The following EPHA8 variants were observed in gnomAD, a reference collection of about 807,000 sequenced individuals.
EPHA8 encodes the protein EPH receptor A8.
A neutral mutation model predicts 103.6 loss-of-function variants in EPHA8; 58 were observed. The observed-to-expected ratio is 0.56, with a 90% confidence interval of 0.45 to 0.70. EPHA8 has a LOEUF of 0.70. EPHA8 is among the 30% of genes least tolerant of loss of function. The probability of loss-of-function intolerance (pLI) is 0.00; values close to 1 mark genes in which losing one functional copy is unlikely to be tolerated. For missense variants in EPHA8, 1,304 were observed against 1,395.2 expected (o/e 0.93, Z 1.04); for synonymous variants, 559 against 572.5 (o/e 0.98, Z 0.34).
chr1:22,592,644 C>A (rs1158237174), intron 5 of EPHA8, among the ~76,000 whole-genome samples: 1 of 152,168 alleles, frequency 6.6e-6, no homozygotes, highest in Non-Finnish European at 1.5e-5. Flanking sequence ...TCACATAGGG[C>A]AGAGAGTCAG....
At chr1:22,568,910 AGGTGAG>A (rs908242068) in intron 1 of EPHA8, among the ~76,000 whole-genome samples, 1 of 152,198 alleles carries the variant, frequency 6.6e-6, no homozygotes, top group African/African-American at 2.4e-5. Flanking sequence ...AGACTCAGGG[AGGTGAG>A]GGGGCTTGCC....
intron 3 of EPHA8, among the ~76,000 whole-genome samples, chr1:22,577,220 G>A (rs1251750529): frequency 6.6e-6 from 1 of 152,174 alleles, no homozygotes; most frequent in Non-Finnish European, 1.5e-5. Context: ...GATACCATGG[G>A]CTAACTCAGG....
chr1:22,602,524 A>T lies in EPHA8; in HGVS notation c.*783A>T, dbSNP rs771469405. The T allele has an allele frequency of 6.5e-6, 1 of 152,858 alleles. No homozygotes were observed. The highest frequency in any genetic ancestry group is 2.1e-4 in the South Asian group (1 of 4,834). 9.5% of individuals were successfully genotyped at this position (152,858 alleles called of 1,614,324 possible). On this transcript the variant is annotated 3_prime_UTR_variant, in exon 17 of 17. Transcript: ENST00000166244. ...CCGGTCAGTCCGGCTGGCCGCCTTC[A>T]TGGAGGCATCATGGCAGAGCACATG...
chr1:22,574,922 T>C (rs1640641517), intron 2 of EPHA8, among the ~76,000 whole-genome samples: 1 of 152,234 alleles, frequency 6.6e-6, no homozygotes. Context: ...CACAGGGTTC[T>C]AATTTCTCCA....
At chr1:22,570,613 A>G (rs1245063726) in intron 2 of EPHA8, among the ~76,000 whole-genome samples, 1 of 97,872 alleles carries the variant, frequency 1.0e-5, no homozygotes, top group African/African-American at 6.6e-5. Context: ...TGTGATTGGA[A>G]GTGTAGACAC....
intron 9 of EPHA8, 33 bp downstream of exon 9, chr1:22,596,206 G>C: frequency 6.2e-7 from 1 of 1,606,944 alleles, no homozygotes; most frequent in Non-Finnish European, 8.5e-7. Context: ...CTGGGGCAGA[G>C]GGAAGGCCAC....
Position 22,601,990 on chromosome 1 carries a change from C to A in EPHA8, c.*249C>A. ...GGCAGGCACCTTCTCTTTTCCAGAG[C>A]CTGGGGCCTCCACGTCACAGAGTCC... is the stretch of plus-strand genomic sequence containing the variant. On this transcript the variant is annotated 3_prime_UTR_variant, in exon 17 of 17. Transcript: ENST00000166244. The A allele has an allele frequency of 1.8e-6, 1 of 569,880 alleles. No homozygotes were observed. Among genetic ancestry groups the A allele is most frequent in the Non-Finnish European group, 3.1e-6 (1 of 326,070 alleles). The allele number at this position is 569,880 out of a possible 1,614,324, so 35.3% of individuals were successfully genotyped here. A position where few individuals can be genotyped will look rare whatever the true frequency, so the allele number is the denominator to read the frequency against.
Position 22,598,321 on chromosome 1 carries a change from C to T in EPHA8, c.2178+109C>T. ...AGCCCCCTCCCTGGCTTGGACACCA[C>T]AGGCCGGGGGACAGGAGGCAGGTAT... On this transcript the variant is annotated intron_variant, in intron 12 of 16. Coordinates refer to ENST00000166244, the MANE Select transcript of EPHA8 (RefSeq NM_020526.5). The surrounding 1 kb of genome is among the most constrained non-coding windows in gnomAD (Gnocchi z 5.1). 3 of 1,111,752 alleles carry T rather than the reference C, an allele frequency of 2.7e-6. No homozygotes were observed. Among genetic ancestry groups the T allele is most frequent in the Non-Finnish European group, 3.9e-6 (3 of 767,210 alleles). 68.9% of individuals were successfully genotyped at this position (1,111,752 alleles called of 1,614,324 possible).
At chr1:22,564,141 A>G (rs985543087) in intron 1 of EPHA8, among the ~76,000 whole-genome samples, 3 of 143,880 alleles carry the variant, frequency 2.1e-5, no homozygotes, top group Non-Finnish European at 3.0e-5. Flanking sequence ...GGGGGTAGGC[A>G]CTGGGGTTGG....
rs948500405 is a variant in EPHA8, at chr1:22,602,269, G to A, written c.*528G>A. The A allele has an allele frequency of 3.0e-5, 5 of 168,818 alleles. No homozygotes were observed. The highest frequency in any genetic ancestry group is 1.2e-4 in the African/African-American group (5 of 41,448). 10.5% of individuals were successfully genotyped at this position (168,818 alleles called of 1,614,324 possible). A position where few individuals can be genotyped will look rare whatever the true frequency, so the allele number is the denominator to read the frequency against. On this transcript the variant is annotated 3_prime_UTR_variant, in exon 17 of 17. Transcript: ENST00000166244. ...CAGGGAACTCAGTGTGACACCGCCA[G>A]GTCCAGCACCCATGGGGGCGGGGGA...
At position 22,593,309 on chromosome 1, in the gene EPHA8, G is replaced by T; in HGVS notation, c.1316-17G>T. The T allele has an allele frequency of 6.4e-7, 1 of 1,552,264 alleles. No individual in the cohort carries two copies. Among genetic ancestry groups the T allele is most frequent in the Non-Finnish European group, 8.7e-7 (1 of 1,145,610 alleles). On this transcript the variant is annotated splice_polypyrimidine_tract_variant and intron_variant, in intron 5 of 16. Coordinates refer to ENST00000166244, the MANE Select transcript of EPHA8 (RefSeq NM_020526.5). The stretch of plus-strand genomic sequence containing the variant: ...CTTGTCTCCCCTCCGCCCATCTGAC[G>T]GGATTGGCCGCCCCAGCCCCGTCCC...
Position 22,601,867 on chromosome 1 carries a change from G to C in EPHA8, c.*126G>C, listed in dbSNP as rs1641748150. 1 of 951,020 alleles carries C rather than the reference G, an allele frequency of 1.1e-6. No homozygotes were observed. The highest frequency in any genetic ancestry group is 1.6e-6 in the Non-Finnish European group (1 of 638,928). The allele number at this position is 951,020 out of a possible 1,614,324, so 58.9% of individuals were successfully genotyped here. ...TCTGCCCTCCTCTCAGGTGCTGGAG[G>C]AGCTGAAGGCTTCGCCACAGGACCT... is the stretch of plus-strand genomic sequence containing the variant. On this transcript the variant is annotated 3_prime_UTR_variant, in exon 17 of 17. Transcript: ENST00000166244.
rs146096622 is a variant in EPHA8 at position 22,589,229 on chromosome 1, G to T, written c.1315+23G>T. The T allele has an allele frequency of 5.9e-5, 96 of 1,613,976 alleles. No individual in the cohort carries two copies. The highest frequency in any genetic ancestry group is 8.9e-5 in the East Asian group (4 of 44,884). ...CAGGTAGGCGGAGAAACTCCGTCCC[G>T]CAGCGTCCTGGTCCCCCAGCTTCCC... On this transcript the variant is annotated intron_variant, in intron 5 of 16. Transcript: ENST00000166244. This position sits in a 1 kb window ranked among gnomAD's most constrained non-coding sequence, Gnocchi z 4.3.
In EPHA8 at chr1:22,588,932, G is replaced by A. The variant is rs1236451963; in HGVS notation, c.1041G>A (p.Glu347=). The change falls in exon 5 of 17, where the codon GAG becomes GAA. Residue 347 remains glutamate (E), a synonymous_variant. Coordinates refer to ENST00000166244, the MANE Select transcript of EPHA8 (RefSeq NM_020526.5). The stretch of plus-strand genomic sequence containing the variant: ...TGAATGGGACATCAGTGACTCTGGA[G>A]TGGGCCCCTCCCCTGGACCCAGGTG... ...SSVNGTSVTL[E]WAPPLDPGGR... is the part of the protein sequence containing the mutation. The A allele has an allele frequency of 6.2e-7, 1 of 1,610,792 alleles. No homozygotes were observed.
intron 3 of EPHA8, among the ~76,000 whole-genome samples, chr1:22,577,960 T>TGC (rs1640779017): frequency 8.0e-6 from 1 of 125,762 alleles, no homozygotes; most frequent in Non-Finnish European, 1.7e-5. Context: ...TGTATGCATG[T>TGC]GTGTGCATGT....
intron 3 of EPHA8, among the ~76,000 whole-genome samples, chr1:22,578,378 GTA>G (rs1415135199): frequency 2.2e-5 from 3 of 138,622 alleles, no homozygotes; most frequent in Admixed American, 7.6e-5. Flanking sequence ...GCGTGCTTTA[GTA>G]TATGTATGCA....
At chr1:22,574,002 G>A (rs749442167) in intron 2 of EPHA8, among the ~76,000 whole-genome samples, 1 of 152,076 alleles carries the variant, frequency 6.6e-6, no homozygotes, top group Non-Finnish European at 1.5e-5. Context: ...TTTTTGAGAC[G>A]GAGTCTCGCT....
chr1:22,586,634 C>A lies in EPHA8; in HGVS notation c.978C>A (p.Thr326=). ...TGGACCCGCCGTCCTCAGCCTGCAC[C>A]CGTGAGTACCACTCCGAGATGCCAG... ...AALDPPSSAC[T]RPPSAPVNLI... Residue 326 remains threonine, a splice_region_variant and synonymous_variant, in exon 4 of 17, where the codon ACC becomes ACA. Coordinates refer to ENST00000166244, the MANE Select transcript of EPHA8 (RefSeq NM_020526.5). 1.9e-6 allele frequency: 3 copies of A among 1,613,652 alleles called. No individual in the cohort carries two copies. Among genetic ancestry groups the A allele is most frequent in the Non-Finnish European group, 2.5e-6 (3 of 1,179,768 alleles).
chr1:22,597,719 G>C lies in EPHA8; in HGVS notation c.1974G>C (p.Gly658=). ...EVCYGRLRVP[G]QRDVPVAIKA... Reference sequence around the variant, plus strand: ...GCTACGGGAGGCTGCGGGTGCCAGGGCAGCGGGATGTGCCCGTGGCCATCA... The same window carrying C: ...GCTACGGGAGGCTGCGGGTGCCAGGCCAGCGGGATGTGCCCGTGGCCATCA... The change falls in exon 11 of 17, where the codon GGG becomes GGC. Residue 658 remains glycine (G), a synonymous_variant. Coordinates refer to ENST00000166244, the MANE Select transcript of EPHA8 (RefSeq NM_020526.5). This position sits in a 1 kb window ranked among gnomAD's most constrained non-coding sequence, Gnocchi z 4.6. 6.2e-7 allele frequency: 1 copy of C among 1,612,752 alleles called. No homozygotes were observed. The highest frequency in any genetic ancestry group is 8.5e-7 in the Non-Finnish European group (1 of 1,179,800).
Sources: gnomAD v4.1 joint callset for allele counts (sites outside exome capture counted in the v4.1 genomes callset) on GRCh38, gnomAD v4.1.1 for gene constraint, Gnocchi (gnomAD v3.1) non-coding constraint, MANE v1.5 for transcripts, NCBI Gene and HGNC (gene_info 2026-07-23, HGNC 2026-07-21) for gene names.